The following LRRC74A variants were observed in gnomAD, a reference collection of about 807,000 sequenced individuals.
LRRC74A encodes leucine rich repeat containing 74A, also known as leucine-rich repeat-containing protein 74A.
In LRRC74A, 44 loss-of-function variants were observed where a neutral mutation model predicts 57.9. The observed-to-expected ratio is 0.76, with a 90% confidence interval of 0.60 to 0.98. The LOEUF (loss-of-function observed/expected upper bound fraction) is 0.98, where lower values mean the gene tolerates loss of function less well. Ranked by LOEUF, LRRC74A falls within the 50% of genes least tolerant of loss-of-function variation. The pLI is 0.00. For synonymous variants in LRRC74A, 211 were observed against 219.4 expected, an observed-to-expected ratio of 0.96 and a Z score of 0.34; for missense variants, 572 against 574.0, an observed-to-expected ratio of 1.00 and a Z score of 0.04.
chr14:76,862,513 G>A (rs1433501850), intron 11 of LRRC74A, among the ~76,000 whole-genome samples: 2 of 148,464 alleles, frequency 1.3e-5, no homozygotes, highest in African/African-American at 5.0e-5. Context: ...CTCCAGCCTG[G>A]GCAACAGAGC....
Position 76,837,905 on chromosome 14 carries a change from G to C in LRRC74A, c.478G>C (p.Gly160Arg). The C allele has an allele frequency of 6.3e-7, 1 of 1,592,192 alleles. No individual in the cohort carries two copies. Among genetic ancestry groups the C allele is most frequent in the Non-Finnish European group, 8.6e-7 (1 of 1,167,948 alleles). The change falls in exon 5 of 14, where the codon GGG becomes CGG. Residue 160 changes from glycine to arginine, a missense_variant. Physicochemically the swap from Gly to Arg is moderately radical, Grantham distance 125. Coordinates refer to ENST00000689127, the MANE Select transcript of LRRC74A (RefSeq NM_001385106.1). ...NISNNHLGLE[G>R]ARIISDFFER... The stretch of plus-strand genomic sequence containing the variant: ...TTCCAACAATCACCTTGGTTTGGAG[G>C]GGGCCAGAATCATCTCAGATTTCTT...
chr14:76,857,905 T>C (rs1278686014), intron 10 of LRRC74A, among the ~76,000 whole-genome samples: 1 of 152,218 alleles, frequency 6.6e-6, no homozygotes, highest in African/African-American at 2.4e-5. Flanking sequence ...GTTGGCCTGT[T>C]AGACTCAGAG....
rs1896294785 is a variant in LRRC74A, at chr14:76,835,886, A to C, written c.340-321A>C. Among the ~76,000 whole-genome samples, 7 of 152,232 alleles carry C rather than the reference A, an allele frequency of 4.6e-5. No homozygotes were observed. The South Asian group carries it at 1.4e-3, about 31-fold the overall frequency. On this transcript the variant is annotated intron_variant, in intron 3 of 13. Transcript: ENST00000689127. The stretch of plus-strand genomic sequence containing the variant: ...TATTCAATGTATCAAGTTTTCCTTA[A>C]TCTTGGAGTAGGTCACAGTTCTGTC...
In LRRC74A at chr14:76,828,342, G is replaced by T. The variant is rs1375543324; in HGVS notation, c.89G>T (p.Cys30Phe). The change falls in exon 2 of 14, where the codon TGT (cysteine) becomes TTT (phenylalanine). Residue 30 changes from cysteine (C) to phenylalanine (F), a missense_variant. By Grantham distance (205) the Cys-to-Phe change is radical (BLOSUM62 -2). Coordinates refer to ENST00000689127, the MANE Select transcript of LRRC74A (RefSeq NM_001385106.1). ...VRQSSDKMLY[C>F]EAESPPTVEK... ...CAGAGCAGCGATAAAATGCTCTACTGTGAGGCCGAATCCCCGCCGACTGTT... is the reference window on the plus strand; with the variant it reads ...CAGAGCAGCGATAAAATGCTCTACTTTGAGGCCGAATCCCCGCCGACTGTT... The T allele has an allele frequency of 2.5e-6, 4 of 1,613,558 alleles. No homozygotes were observed. The highest frequency in any genetic ancestry group is 3.4e-6 in the Non-Finnish European group (4 of 1,179,480).
chr14:76,837,045 G>A (rs1167280343), intron 4 of LRRC74A, among the ~76,000 whole-genome samples: 2 of 151,996 alleles, frequency 1.3e-5, no homozygotes, highest in Admixed American at 6.6e-5. Flanking sequence ...GGGAGGCTGA[G>A]GCAGGAGAAT....
intron 2 of LRRC74A, 21 bp from the exon 3 acceptor site, chr14:76,831,182 T>C: frequency 6.2e-7 from 1 of 1,613,328 alleles, no homozygotes; most frequent in Non-Finnish European, 8.5e-7. Flanking sequence ...AAATCCTACT[T>C]CAGCCCATCT....
intron 4 of LRRC74A, among the ~76,000 whole-genome samples, chr14:76,836,665 G>A (rs1896367472): frequency 6.6e-6 from 1 of 151,476 alleles, no homozygotes; most frequent in Middle Eastern, 3.4e-3. Flanking sequence ...CAGGCATGGT[G>A]GTGTAATCCC....
chr14:76,836,523 G>T (rs957994051), intron 4 of LRRC74A, among the ~76,000 whole-genome samples: 1 of 152,208 alleles, frequency 6.6e-6, no homozygotes, highest in African/African-American at 2.4e-5. Context: ...TTTATGGCTG[G>T]GCGCGGTGGC....
chr14:76,859,354 G>C (rs1898124225), intron 10 of LRRC74A, among the ~76,000 whole-genome samples: 1 of 152,054 alleles, frequency 6.6e-6, no homozygotes, highest in African/African-American at 2.4e-5. Context: ...GACCAACATG[G>C]AGAAACCCCG....
intron 5 of LRRC74A, among the ~76,000 whole-genome samples, chr14:76,839,086 C>T (rs991182188): frequency 1.3e-5 from 2 of 152,202 alleles, no homozygotes; most frequent in African/African-American, 4.8e-5. Context: ...TAACATCCCC[C>T]TATTTGGGAG....
intron 6 of LRRC74A, 82 bp from the exon 7 acceptor site, chr14:76,844,738 C>A: frequency 1.2e-6 from 1 of 803,922 alleles, no homozygotes. Flanking sequence ...CAGAGCCCCA[C>A]CATCATACTG....
intron 9 of LRRC74A, among the ~76,000 whole-genome samples, chr14:76,854,414 C>A (rs1897738451): frequency 6.6e-6 from 1 of 152,190 alleles, no homozygotes; most frequent in South Asian, 2.1e-4. Context: ...TTAAGACCAG[C>A]CTGGCCAACA....
Position 76,870,200 on chromosome 14 carries a change from C to T in LRRC74A, c.*51C>T, listed in dbSNP as rs370151905. The stretch of plus-strand genomic sequence containing the variant: ...CTCGGCGAGAGGAGTCCTCGCAAGT[C>T]GGATGGTGGCAGGGAGGAGAGCAAG... On this transcript the variant is annotated 3_prime_UTR_variant, in exon 14 of 14. Transcript: ENST00000689127. 78 of 1,580,160 alleles carry T rather than the reference C, an allele frequency of 4.9e-5. No homozygotes were observed. Among genetic ancestry groups the T allele is most frequent in the Middle Eastern group, 1.7e-4 (1 of 5,954 alleles).
At chr14:76,828,745 T>C (rs1895768035) in intron 2 of LRRC74A, 1 of 469,758 alleles carries the variant, frequency 2.1e-6, no homozygotes, top group Non-Finnish European at 4.2e-6. Context: ...ATCTTTGCAA[T>C]AGTCCTAGGA....
chr14:76,835,794 C>T (rs75543987), intron 3 of LRRC74A, among the ~76,000 whole-genome samples: 3,572 of 152,232 alleles, frequency 0.023, 40 homozygotes, highest in Middle Eastern at 0.044. Context: ...GAAGAAAGGC[C>T]TCTGAAGAAA....
At chr14:76,857,107 TG>T (rs1264425181) in intron 9 of LRRC74A, among the ~76,000 whole-genome samples, 68 of 107,698 alleles carry the variant, frequency 6.3e-4, no homozygotes, top group Non-Finnish European at 1.5e-4. Context: ...GGACAGATGG[TG>T]GGTAGGTGGA....
At chr14:76,853,141 AGAAATCGG>A in intron 8 of LRRC74A, 67 bp from the exon 9 acceptor site, 1 of 1,384,848 alleles carries the variant, frequency 7.2e-7, no homozygotes, top group Non-Finnish European at 1.0e-6. Flanking sequence ...AACAGGGGGT[AGAAATCGG>A]GACCCTTTTG....
intron 5 of LRRC74A, among the ~76,000 whole-genome samples, chr14:76,840,985 C>T (rs966248415): frequency 6.6e-6 from 1 of 152,020 alleles, no homozygotes; most frequent in Non-Finnish European, 1.5e-5. Flanking sequence ...GTGACTAATA[C>T]AAAAAATGAT....
chr14:76,847,879 A>C (rs1897209730), intron 7 of LRRC74A, among the ~76,000 whole-genome samples: 1 of 152,020 alleles, frequency 6.6e-6, no homozygotes, highest in Non-Finnish European at 1.5e-5. Flanking sequence ...CTCTACAAAA[A>C]ATTCAAAAGT....
Sources: allele counts gnomAD v4.1 joint callset (sites outside exome capture counted in the v4.1 genomes callset), GRCh38; gene constraint gnomAD v4.1.1; transcripts MANE v1.5; gene names NCBI Gene and HGNC (gene_info 2026-07-23, HGNC 2026-07-21).